Variants in DNAJC27 observed in about 807,000 individuals in gnomAD.
The protein encoded by DNAJC27 is dnaJ homolog subfamily C member 27.
Under a neutral mutation model 31.4 loss-of-function variants are expected in DNAJC27, and 25 were observed. The observed-to-expected ratio is 0.80, with a 90% CI of 0.58 to 1.11. DNAJC27 has a LOEUF of 1.11. Among genes scored for constraint, DNAJC27 ranks in the 50% most tolerant of loss-of-function variants. The pLI, the probability that DNAJC27 is intolerant of heterozygous loss-of-function variation, is 0.00. For synonymous variants in DNAJC27, 106 were observed against 112.7 expected (o/e 0.94, Z 0.37); for missense variants, 356 against 347.3 (o/e 1.02, Z -0.20).
chr2:24,945,815 C>G lies in DNAJC27; in HGVS notation c.*1801G>C, dbSNP rs909180568. 3.3e-5 allele frequency: 5 copies of G among 152,202 alleles called. No individual in the cohort carries two copies. The highest frequency in any genetic ancestry group is 5.9e-5 in the Non-Finnish European group (4 of 68,032). The allele number at this position is 152,202 out of a possible 1,614,324, so 9.4% of individuals were successfully genotyped here. On this transcript the variant is annotated 3_prime_UTR_variant, in exon 7 of 7. Coordinates refer to ENST00000264711, the MANE Select transcript of DNAJC27 (RefSeq NM_016544.3). Reference sequence around the variant, plus strand: ...TTTCCTGAAGACAAGCTCAGTGCAGCCCAAGTACAGGCATACAGTGAAAAG... The same window carrying G: ...TTTCCTGAAGACAAGCTCAGTGCAGGCCAAGTACAGGCATACAGTGAAAAG...
intron 4 of DNAJC27, among the ~76,000 whole-genome samples, chr2:24,957,459 A>T (rs140154474): frequency 5.4e-4 from 82 of 152,246 alleles, no homozygotes; most frequent in Admixed American, 9.8e-4. Flanking sequence ...CATCTGCCAT[A>T]CCCTTGGGGC....
In DNAJC27 at chr2:24,946,505, A is replaced by G. The variant is rs1051622511; in HGVS notation, c.*1111T>C. On this transcript the variant is annotated 3_prime_UTR_variant, in exon 7 of 7. Transcript: ENST00000264711. ...TGGTGAGGAAGTGTAGAAGAGGCCA[A>G]CTTTGCTGAGGAGTGGCCCTGCCTT... 5.3e-5 allele frequency: 8 copies of G among 152,254 alleles called. No homozygotes were observed. The highest frequency in any genetic ancestry group is 6.5e-5 in the Admixed American group (1 of 15,286). 9.4% of individuals were successfully genotyped at this position (152,254 alleles called of 1,614,324 possible).
intron 5 of DNAJC27, among the ~76,000 whole-genome samples, chr2:24,952,414 G>GTCT (rs1213018399): frequency 6.6e-6 from 1 of 152,128 alleles, no homozygotes; most frequent in Non-Finnish European, 1.5e-5. Flanking sequence ...ATAGCTACAT[G>GTCT]TAGAGACTTT....
At chr2:24,957,677 G>A in intron 4 of DNAJC27, 133 bp downstream of exon 4, 1 of 861,940 alleles carries the variant, frequency 1.2e-6, no homozygotes, top group East Asian at 2.6e-5. Flanking sequence ...TTTGTCTTAG[G>A]GACATTATGT....
Position 24,957,856 on chromosome 2 carries a change from G to A in DNAJC27, c.359C>T (p.Pro120Leu). The change falls in exon 4 of 7, where the codon CCT becomes CTT. Residue 120 changes from proline to leucine, a missense_variant. Coordinates refer to ENST00000264711, the MANE Select transcript of DNAJC27 (RefSeq NM_016544.3). ...TATAATATTTTCCATGTTTCCATGA[G>A]GTCCAAGCTCTTGCTTCATTTCTGC... ...WLAEMKQELG[P>L]HGNMENIIFV... 1 of 1,614,164 alleles carries A rather than the reference G, an allele frequency of 6.2e-7. No individual in the cohort carries two copies. The highest frequency in any genetic ancestry group is 8.5e-7 in the Non-Finnish European group (1 of 1,180,012).
At chr2:24,949,741 C>T (rs568645800) in intron 6 of DNAJC27, among the ~76,000 whole-genome samples, 2 of 152,048 alleles carry the variant, frequency 1.3e-5, no homozygotes, top group Non-Finnish European at 2.9e-5. Flanking sequence ...ATAAGGAGCC[C>T]TAAGTTTCTT....
In DNAJC27 at chr2:24,951,503, T is replaced by C; in HGVS notation, c.580A>G (p.Thr194Ala). ...DLCENGGKRPTTNSSASFTKE... is the reference protein window; with the variant it reads ...DLCENGGKRPATNSSASFTKE... ...GTGAAACTAGCACTGCTATTGGTGG[T>C]AGGGCGTTTCCCGCCATTTTCACAT... is the stretch of plus-strand genomic sequence containing the variant. Residue 194 changes from threonine (T) to alanine (A), a missense_variant, in exon 6 of 7, where the codon ACC becomes GCC. By Grantham distance (58) the Thr-to-Ala change is moderately conservative. Coordinates refer to ENST00000264711, the MANE Select transcript of DNAJC27 (RefSeq NM_016544.3). 6.2e-7 allele frequency: 1 copy of C among 1,613,734 alleles called. No homozygotes were observed. Among genetic ancestry groups the C allele is most frequent in the Non-Finnish European group, 8.5e-7 (1 of 1,179,784 alleles).
At chr2:24,960,969 C>G (rs548869923) in intron 3 of DNAJC27, among the ~76,000 whole-genome samples, 1 of 152,330 alleles carries the variant, frequency 6.6e-6, no homozygotes, top group East Asian at 1.9e-4. Context: ...ATTTTCAATG[C>G]AGATGAAACA....
chr2:24,963,343 T>C, intron 3 of DNAJC27, 62 bp downstream of exon 3: 7 of 1,347,674 alleles, frequency 5.2e-6, no homozygotes, highest in Non-Finnish European at 7.4e-6. Flanking sequence ...CATATAATTC[T>C]GGATCTCTCC....
intron 1 of DNAJC27, among the ~76,000 whole-genome samples, chr2:24,967,869 C>G (rs1666229077): frequency 6.6e-6 from 1 of 152,002 alleles, no homozygotes; most frequent in Non-Finnish European, 1.5e-5. Flanking sequence ...CTTATGCTTT[C>G]AACGATACCA....
upstream of DNAJC27, chr2:24,972,063 G>T (rs1666361400): frequency 1.9e-6 from 1 of 539,812 alleles, no homozygotes; most frequent in South Asian, 2.6e-5. Context: ...GGCGCGGGCG[G>T]TTGGGAGCGT....
intron 5 of DNAJC27, among the ~76,000 whole-genome samples, chr2:24,955,908 A>G (rs1175763362): frequency 6.6e-6 from 1 of 152,238 alleles, no homozygotes; most frequent in Non-Finnish European, 1.5e-5. Context: ...GTAAGTCTCC[A>G]TGAGATGAAA....
chr2:24,971,168 C>G (rs1390968762), intron 1 of DNAJC27, among the ~76,000 whole-genome samples: 9 of 152,146 alleles, frequency 5.9e-5, no homozygotes, highest in Non-Finnish European at 1.0e-4. Context: ...GCCTTCCCTC[C>G]CCACGTACTA....
chr2:24,965,935 A>G (rs1254871588), intron 2 of DNAJC27, among the ~76,000 whole-genome samples: 1 of 152,232 alleles, frequency 6.6e-6, no homozygotes, highest in Admixed American at 6.5e-5. Context: ...TATGCCAGGC[A>G]CTTGGAGAAA....
At chr2:24,962,502 C>A (rs1463856853) in intron 3 of DNAJC27, among the ~76,000 whole-genome samples, 1 of 152,168 alleles carries the variant, frequency 6.6e-6, no homozygotes, top group Admixed American at 6.5e-5. Flanking sequence ...GTGATCCACC[C>A]TTCTCGGCCT....
Position 24,957,094 on chromosome 2 carries a change from C to A in DNAJC27, c.477G>T (p.Leu159=), listed in dbSNP as rs1280111714. Residue 159 remains leucine, a synonymous_variant, in exon 5 of 7, where the codon CTG becomes CTT. Transcript: ENST00000264711. ...GRLWAESKGF[L]YFETSAQTGE... ...CAGTTTGTGCTGAAGTTTCAAAGTA[C>A]AGGAACCCTTTGCTTTCAGCCCAAA... The A allele has an allele frequency of 6.2e-7, 1 of 1,610,404 alleles. No individual in the cohort carries two copies. Among genetic ancestry groups the A allele is most frequent in the African/African-American group, 1.3e-5 (1 of 74,666 alleles).
At chr2:24,959,687 T>A (rs1328470052) in intron 3 of DNAJC27, among the ~76,000 whole-genome samples, 2 of 152,230 alleles carry the variant, frequency 1.3e-5, no homozygotes. Context: ...TGGAAACAGA[T>A]ACCTCTTTAT....
intron 1 of DNAJC27, among the ~76,000 whole-genome samples, chr2:24,970,394 T>C (rs775597602): frequency 2.6e-5 from 4 of 152,122 alleles, no homozygotes; most frequent in Non-Finnish European, 5.9e-5. Flanking sequence ...AAATGTTAAG[T>C]AGATGTGGTG....
intron 6 of DNAJC27, among the ~76,000 whole-genome samples, chr2:24,948,610 T>C (rs1361782737): frequency 6.6e-6 from 1 of 152,130 alleles, no homozygotes; most frequent in Non-Finnish European, 1.5e-5. Context: ...GCAGTAGCAG[T>C]GCTTCTCCAA....
Sources: gnomAD v4.1 joint callset for allele counts (sites outside exome capture counted in the v4.1 genomes callset) on GRCh38, gnomAD v4.1.1 for gene constraint, MANE v1.5 for transcripts, NCBI Gene and HGNC (gene_info 2026-07-23, HGNC 2026-07-21) for gene names.